Variants in CYREN observed in about 807,000 individuals in gnomAD.
The protein encoded by CYREN is cell cycle regulator of non-homologous end joining.
Under a neutral mutation model 9.7 loss-of-function variants are expected in CYREN, and 7 were observed. The observed-to-expected ratio is 0.72, with a 90% confidence interval of 0.41 to 1.36. The LOEUF (loss-of-function observed/expected upper bound fraction) is 1.36, where lower values mean the gene tolerates loss of function less well. CYREN is among the 40% of genes most tolerant of loss of function. CYREN has a pLI of 0.01. For missense variants in CYREN, 215 were observed against 198.1 expected, an observed-to-expected ratio of 1.09 and a Z score of -0.51; for synonymous variants, 76 against 77.9, an observed-to-expected ratio of 0.98 and a Z score of 0.13.
At chr7:135,123,713 GC>G (rs1180650872) in intron 2 of CYREN, among the ~76,000 whole-genome samples, 1 of 152,138 alleles carries the variant, frequency 6.6e-6, no homozygotes, top group Non-Finnish European at 1.5e-5. Context: ...AACTCTACAA[GC>G]CAGAAAAGAT....
chr7:135,097,582 C>T (rs1388235196), intron 2 of CYREN, among the ~76,000 whole-genome samples: 1 of 152,204 alleles, frequency 6.6e-6, no homozygotes, highest in Non-Finnish European at 1.5e-5. Context: ...AGATCTTACC[C>T]ACTAAATGTC....
intron 2 of CYREN, chr7:135,168,411 G>A (rs532102053): frequency 1.3e-5 from 3 of 230,970 alleles, no homozygotes; most frequent in Non-Finnish European, 2.5e-5. Flanking sequence ...TCTGTCCACA[G>A]GGGCAGGCAC....
downstream of CYREN, chr7:135,165,184 C>A (rs1830062196): frequency 1.6e-6 from 1 of 613,482 alleles, no homozygotes; most frequent in African/African-American, 1.8e-5. Flanking sequence ...CCTGTGACTT[C>A]TTAGTACAAG....
chr7:135,143,447 C>A (rs1038622268), intron 2 of CYREN, among the ~76,000 whole-genome samples: 1 of 152,102 alleles, frequency 6.6e-6, no homozygotes, highest in Non-Finnish European at 1.5e-5. Context: ...CAGATGCAGA[C>A]CTTATTGCCT....
chr7:135,129,278 T>C (rs886933598), intron 2 of CYREN: 32 of 1,515,280 alleles, frequency 2.1e-5, no homozygotes, highest in Admixed American at 1.2e-4. Flanking sequence ...TTGCCTTCTG[T>C]ACCTTGTGCA....
intron 2 of CYREN, among the ~76,000 whole-genome samples, chr7:135,116,744 T>C (rs1261297046): frequency 1.3e-5 from 2 of 152,206 alleles, no homozygotes; most frequent in Non-Finnish European, 2.9e-5. Flanking sequence ...CTGCCTCTGC[T>C]TACATGGGTG....
At chr7:135,155,865 A>T (rs1332110294) in intron 2 of CYREN, among the ~76,000 whole-genome samples, 1 of 152,238 alleles carries the variant, frequency 6.6e-6, no homozygotes, top group Non-Finnish European at 1.5e-5. Flanking sequence ...ATAATTAATT[A>T]AAAACACCAT....
rs976684416 is a variant in CYREN, at chr7:135,167,547, C to G, written c.213+185G>C. On this transcript the variant is annotated intron_variant, in intron 3 of 3. Transcript: ENST00000393114. ...CAGGCTTCTAGCCTCAAAGACACCC[C>G]ACGAGCGCACACCCACATGGGGAGA... 2.1e-6 allele frequency: 3 copies of G among 1,431,872 alleles called. No homozygotes were observed. The African/African-American group carries it at 4.3e-5, about 21-fold the overall frequency. 88.7% of individuals were successfully genotyped at this position (1,431,872 alleles called of 1,614,324 possible).
At chr7:135,147,738 C>CTGGG in intron 2 of CYREN, 1 of 455,842 alleles carries the variant, frequency 2.2e-6, no homozygotes, top group Non-Finnish European at 4.4e-6. Flanking sequence ...GACTGCCACA[C>CTGGG]TGGCTGGGAG....
intron 2 of CYREN, among the ~76,000 whole-genome samples, chr7:135,103,210 G>C (rs2117048574): frequency 6.6e-6 from 1 of 151,988 alleles, no homozygotes; most frequent in South Asian, 2.1e-4. Flanking sequence ...TATGTTAGCT[G>C]TCTATAATCA....
downstream of CYREN, among the ~76,000 whole-genome samples, chr7:135,161,426 T>A (rs1213573174): frequency 6.6e-6 from 1 of 152,168 alleles, no homozygotes; most frequent in African/African-American, 2.4e-5. This position sits in a 1 kb window ranked among gnomAD's most constrained non-coding sequence, Gnocchi z 4.1. Context: ...CCCTTCCCAG[T>A]TGGTCCTGAA....
intron 2 of CYREN, chr7:135,134,848 C>T (rs1330369251): frequency 5.2e-6 from 8 of 1,549,214 alleles, no homozygotes; most frequent in Non-Finnish European, 5.2e-6. Context: ...TAGACTAAAT[C>T]CGGCTACTTG....
chr7:135,146,039 T>C (rs1829538973), intron 2 of CYREN, among the ~76,000 whole-genome samples: 1 of 152,238 alleles, frequency 6.6e-6, no homozygotes, highest in Admixed American at 6.5e-5. Context: ...AATGCCTTCC[T>C]CACTAAGCTT....
At chr7:135,097,263 C>T (rs1823045270) in intron 2 of CYREN, among the ~76,000 whole-genome samples, 1 of 152,080 alleles carries the variant, frequency 6.6e-6, no homozygotes. Flanking sequence ...GGGTAGAGCT[C>T]ATTTTGTCAG....
intron 2 of CYREN, among the ~76,000 whole-genome samples, chr7:135,122,068 G>C (rs907047275): frequency 5.3e-5 from 8 of 152,202 alleles, no homozygotes; most frequent in African/African-American, 1.9e-4. Context: ...TGCTGTCTAA[G>C]CCGTTTGAGT....
At chr7:135,167,513 A>G (rs1562931266) in intron 3 of CYREN, 1 of 1,416,108 alleles carries the variant, frequency 7.1e-7, no homozygotes. Flanking sequence ...TAACACACGC[A>G]TGCCCTCCCA....
At chr7:135,111,176 A>G (rs1185351789) in intron 2 of CYREN, among the ~76,000 whole-genome samples, 2 of 121,040 alleles carry the variant, frequency 1.7e-5, no homozygotes, top group African/African-American at 5.7e-5. Flanking sequence ...TTCTTGTTTC[A>G]AAGAAATAAA....
chr7:135,159,062 T>A (rs748764353), intron 2 of CYREN, among the ~76,000 whole-genome samples: 7 of 152,034 alleles, frequency 4.6e-5, no homozygotes, highest in Non-Finnish European at 1.0e-4. Context: ...CCCTAGGGGG[T>A]TCTCTCTTAC....
intron 2 of CYREN, among the ~76,000 whole-genome samples, chr7:135,135,950 T>C (rs756052271): frequency 6.6e-6 from 1 of 152,118 alleles, no homozygotes; most frequent in Non-Finnish European, 1.5e-5. Flanking sequence ...ATGTACAGTT[T>C]CCTTTACAGC....
Sources: gnomAD v4.1 joint callset for allele counts (sites outside exome capture counted in the v4.1 genomes callset) on GRCh38, gnomAD v4.1.1 for gene constraint, Gnocchi (gnomAD v3.1) non-coding constraint, MANE v1.5 for transcripts, NCBI Gene and HGNC (gene_info 2026-07-23, HGNC 2026-07-21) for gene names.